Variants in SOBP observed in about 807,000 individuals in gnomAD.
SOBP encodes sine oculis binding protein homolog.
A neutral mutation model predicts 53.6 loss-of-function variants in SOBP; 4 were observed. That is an observed-to-expected ratio of 0.07 (90% CI 0.04 to 0.17). The LOEUF (loss-of-function observed/expected upper bound fraction) is 0.17. Ranked by LOEUF, SOBP falls within the 10% of genes least tolerant of loss-of-function variation. SOBP has a pLI of 1.00. For synonymous variants in SOBP, 584 were observed against 522.6 expected (o/e 1.12, Z -1.60); for missense variants, 1,088 against 1,204.7 (o/e 0.90, Z 1.43).
chr6:107,641,637 A>G (rs1411156798), intron 6 of SOBP, among the ~76,000 whole-genome samples: 2 of 152,178 alleles, frequency 1.3e-5, no homozygotes, highest in African/African-American at 4.8e-5. Context: ...TCGGCCAGCT[A>G]TTAACCAGCC....
At chr6:107,587,029 T>C (rs1201866916) in intron 4 of SOBP, 51 bp from the exon 5 acceptor site, 4 of 1,401,842 alleles carry the variant, frequency 2.9e-6, no homozygotes, top group Admixed American at 1.7e-5. Context: ...TTTAGCTTTT[T>C]TTCTTCCATT....
chr6:107,539,444 A>G (rs1784091293), intron 4 of SOBP, among the ~76,000 whole-genome samples: 1 of 152,192 alleles, frequency 6.6e-6, no homozygotes, highest in Non-Finnish European at 1.5e-5. Context: ...ATATGCTGGA[A>G]TGTTAATTTT....
At chr6:107,624,744 T>A (rs1770381720) in intron 5 of SOBP, among the ~76,000 whole-genome samples, 1 of 151,942 alleles carries the variant, frequency 6.6e-6, no homozygotes, top group Non-Finnish European at 1.5e-5. Flanking sequence ...TTTGTCTCTG[T>A]CACAGGAAGT....
At chr6:107,530,489 A>G (rs1164223043) in intron 3 of SOBP, among the ~76,000 whole-genome samples, 3 of 152,076 alleles carry the variant, frequency 2.0e-5, no homozygotes, top group Admixed American at 6.6e-5. Context: ...TTGGCTGACA[A>G]TATTAATTTA....
chr6:107,522,143 T>A (rs7754023), intron 3 of SOBP, among the ~76,000 whole-genome samples: 31 of 152,158 alleles, frequency 2.0e-4, no homozygotes, highest in African/African-American at 6.7e-4. Context: ...ATTTAAAGGC[T>A]GAGTGGAGGG....
At chr6:107,500,127 C>T (rs1782799277) in intron 1 of SOBP, among the ~76,000 whole-genome samples, 1 of 152,100 alleles carries the variant, frequency 6.6e-6, no homozygotes. Context: ...CATAGTAGCT[C>T]ACACCTGTAA....
chr6:107,600,260 G>A (rs778668686), intron 5 of SOBP, among the ~76,000 whole-genome samples: 2 of 152,140 alleles, frequency 1.3e-5, no homozygotes, highest in African/African-American at 2.4e-5. Context: ...TTCCTCCTAC[G>A]GGAATGGGAA....
chr6:107,646,051 G>C (rs188167612), intron 6 of SOBP, among the ~76,000 whole-genome samples: 20 of 152,368 alleles, frequency 1.3e-4, no homozygotes, highest in African/African-American at 4.6e-4. Flanking sequence ...AGAATGACAA[G>C]ATGAAATCTG....
intron 4 of SOBP, among the ~76,000 whole-genome samples, chr6:107,565,865 C>T (rs966117844): frequency 3.3e-5 from 5 of 152,210 alleles, no homozygotes; most frequent in Admixed American, 1.3e-4. Flanking sequence ...TGGCTCGTCC[C>T]GCACCTCCTG....
chr6:107,538,007 A>G (rs752996312), intron 4 of SOBP, among the ~76,000 whole-genome samples: 4 of 152,164 alleles, frequency 2.6e-5, no homozygotes, highest in Non-Finnish European at 4.4e-5. Flanking sequence ...AACAATCATT[A>G]TAATAATAAC....
intron 3 of SOBP, 100 bp from the exon 4 acceptor site, chr6:107,533,359 T>A: frequency 1.0e-5 from 11 of 1,075,090 alleles, no homozygotes; most frequent in South Asian, 2.7e-5. Context: ...GTCCAGAAAC[T>A]AAAATCAGGC....
chr6:107,586,030 G>C (rs1292713724), intron 4 of SOBP, among the ~76,000 whole-genome samples: 1 of 152,194 alleles, frequency 6.6e-6, no homozygotes, highest in Non-Finnish European at 1.5e-5. Context: ...TTTATCTAAA[G>C]AGACAGCAGA....
At chr6:107,496,187 A>G (rs574675669) in intron 1 of SOBP, among the ~76,000 whole-genome samples, 1 of 152,346 alleles carries the variant, frequency 6.6e-6, no homozygotes, top group East Asian at 1.9e-4. Context: ...TGGCACAGAC[A>G]GGAAAACAAT....
At chr6:107,579,062 G>A (rs1785323776) in intron 4 of SOBP, among the ~76,000 whole-genome samples, 3 of 152,212 alleles carry the variant, frequency 2.0e-5, no homozygotes, top group Non-Finnish European at 4.4e-5. Flanking sequence ...CCAACCAGCA[G>A]CAAAGTGGAA....
intron 4 of SOBP, among the ~76,000 whole-genome samples, chr6:107,538,907 A>G (rs140444605): frequency 8.3e-4 from 126 of 152,350 alleles, no homozygotes; most frequent in African/African-American, 2.9e-3. Context: ...GAGTAGGGTT[A>G]GAGCAGGAAG....
chr6:107,518,765 T>TC (rs1554290334), intron 3 of SOBP, among the ~76,000 whole-genome samples: 60,303 of 147,060 alleles, frequency 0.41, 15,690 homozygotes, highest in Middle Eastern at 0.65. Context: ...TTTTTTTTTT[T>TC]CTCAAAAAGA....
intron 2 of SOBP, among the ~76,000 whole-genome samples, chr6:107,504,164 T>A (rs1162355461): frequency 6.6e-6 from 1 of 152,206 alleles, no homozygotes; most frequent in Non-Finnish European, 1.5e-5. Context: ...TTAAGTGAAA[T>A]GTTAGGTTTA....
chr6:107,533,091 A>G (rs1184913421), intron 3 of SOBP, among the ~76,000 whole-genome samples: 1 of 151,634 alleles, frequency 6.6e-6, no homozygotes, highest in African/African-American at 2.4e-5. Flanking sequence ...GCAGGCTTTC[A>G]CAGGACCTTT....
intron 3 of SOBP, among the ~76,000 whole-genome samples, chr6:107,518,404 C>T (rs1283328720): frequency 6.6e-6 from 1 of 152,158 alleles, no homozygotes; most frequent in Non-Finnish European, 1.5e-5. Context: ...AGTGTAAATA[C>T]ATGTAACCAC....
Sources: gnomAD v4.1 joint callset for allele counts (sites outside exome capture counted in the v4.1 genomes callset) on GRCh38, gnomAD v4.1.1 for gene constraint, MANE v1.5 for transcripts, NCBI Gene and HGNC (gene_info 2026-07-23, HGNC 2026-07-21) for gene names.